TRIM64B: variants seen among roughly 807,000 people sequenced by gnomAD.
TRIM64B encodes the protein tripartite motif-containing protein 64B.
For missense variants in TRIM64B, 57 were observed against 536.4 expected (o/e 0.11, Z 8.83); for synonymous variants, 17 against 190.3 (o/e 0.09, Z 7.50).
At chr11:89,870,909 C>G (rs1298557893) in exon 6 of TRIM64B, 1 of 1,551,508 alleles carries the variant, frequency 6.4e-7, no homozygotes, top group African/African-American at 1.4e-5. Context: ...GACAGACTCC[C>G]AGAATCCAGT....
upstream of TRIM64B, among the ~76,000 whole-genome samples, chr11:89,877,108 C>G (rs1950170444): frequency 7.7e-6 from 1 of 129,832 alleles, no homozygotes. Context: ...TTATTCTATA[C>G]TCCCTGCCTC....
At chr11:89,878,060 AC>A (rs1950176344), upstream of TRIM64B, among the ~76,000 whole-genome samples, 1 of 147,032 alleles carries the variant, frequency 6.8e-6, no homozygotes, top group Non-Finnish European at 1.5e-5. Flanking sequence ...CGTTATAACC[AC>A]TACTACATGC....
chr11:89,877,041 A>C (rs113806397), upstream of TRIM64B, among the ~76,000 whole-genome samples: 6 of 142,986 alleles, frequency 4.2e-5, no homozygotes, highest in African/African-American at 1.3e-4. Context: ...CTGTCATTCT[A>C]TCTCTCTCAA....
chr11:89,875,829 G>T (rs1396905130), exon 1 of TRIM64B: 1 of 1,549,910 alleles, frequency 6.5e-7, no homozygotes, highest in Non-Finnish European at 8.7e-7. Context: ...TGGTGTTGAA[G>T]TTGGGCTTCT....
intron 1 of TRIM64B, 79 bp downstream of exon 2, chr11:89,875,531 T>C: frequency 7.7e-7 from 1 of 1,295,540 alleles, no homozygotes; most frequent in Admixed American, 2.5e-5. Context: ...TGCATTCTCA[T>C]CACCATCATT....
exon 2 of TRIM64B, chr11:89,875,072 T>A: frequency 6.5e-7 from 1 of 1,547,402 alleles, no homozygotes; most frequent in South Asian, 1.2e-5. Flanking sequence ...TATAAGTTTC[T>A]CCTGCAAAAG....
chr11:89,876,927 T>C (rs1224331072), upstream of TRIM64B, among the ~76,000 whole-genome samples: 2 of 148,668 alleles, frequency 1.3e-5, no homozygotes, highest in African/African-American at 4.9e-5. Flanking sequence ...CCCAGTTACC[T>C]AGACAAGCTT....
chr11:89,877,980 A>G (rs1393312685), upstream of TRIM64B, among the ~76,000 whole-genome samples: 1 of 148,426 alleles, frequency 6.7e-6, no homozygotes, highest in Admixed American at 6.7e-5. Flanking sequence ...TTTTGAAGAG[A>G]CAGCAAATAA....
chr11:89,874,226 A>T, exon 3 of TRIM64B: 1 of 1,515,248 alleles, frequency 6.6e-7, no homozygotes. Context: ...CGAGAAATAT[A>T]GGCATCTTTT....
Position 89,874,298 on chromosome 11 carries a change from A to G in TRIM64B, c.505-19T>C. The G allele has an allele frequency of 7.5e-7, 1 of 1,337,038 alleles. No homozygotes were observed. Among genetic ancestry groups the G allele is most frequent in the African/African-American group, 1.7e-5 (1 of 57,462 alleles). The allele number at this position is 1,337,038 out of a possible 1,614,324, so 82.8% of individuals were successfully genotyped here. Reference sequence around the variant, plus strand: ...CATAGTCCTGCAGAGATGTTTGGTTAAAAGGATTACATGTTCTCACTCTCA... The same window carrying G: ...CATAGTCCTGCAGAGATGTTTGGTTGAAAGGATTACATGTTCTCACTCTCA... On this transcript the variant is annotated intron_variant, in intron 2 of 5. Coordinates refer to ENST00000329862, the Ensembl canonical transcript of TRIM64B.
At chr11:89,876,818 A>T (rs1184443872), upstream of TRIM64B, among the ~76,000 whole-genome samples, 1 of 149,456 alleles carries the variant, frequency 6.7e-6, no homozygotes, top group Non-Finnish European at 1.5e-5. Context: ...CGGGTATGAA[A>T]CTTACGAATA....
chr11:89,874,095 C>G (rs1565459226), exon 3 of TRIM64B: 1 of 1,549,400 alleles, frequency 6.5e-7, no homozygotes, highest in Non-Finnish European at 8.7e-7. Flanking sequence ...CCACAGCTCT[C>G]TGTACATGTC....
At chr11:89,872,698 A>G (rs1950123534) in intron 4 of TRIM64B, among the ~76,000 whole-genome samples, 1 of 151,790 alleles carries the variant, frequency 6.6e-6, no homozygotes, top group South Asian at 2.1e-4. Context: ...AGTGTCTAAC[A>G]GAGAATGTTC....
exon 5 of TRIM64B, chr11:89,872,267 C>T (rs1215956802): frequency 6.5e-7 from 1 of 1,533,554 alleles, no homozygotes; most frequent in Admixed American, 2.0e-5. Context: ...ATGAAGTGAG[C>T]TCTGGGTTCA....
upstream of TRIM64B, among the ~76,000 whole-genome samples, chr11:89,876,402 G>C (rs1414563140): frequency 6.7e-6 from 1 of 148,802 alleles, no homozygotes; most frequent in Non-Finnish European, 1.5e-5. Flanking sequence ...ATGCCATACT[G>C]TTTAGGAACA....
At chr11:89,874,894 A>T in intron 2 of TRIM64B, 84 bp downstream of exon 3, 1 of 1,174,262 alleles carries the variant, frequency 8.5e-7, no homozygotes, top group Non-Finnish European at 1.2e-6. Context: ...CTATCTTGCA[A>T]CGGGTAGTTT....
chr11:89,870,867 A>T (rs1950098943), exon 6 of TRIM64B: 1 of 1,551,782 alleles, frequency 6.4e-7, no homozygotes, highest in East Asian at 2.4e-5. Flanking sequence ...CAGAATCAAT[A>T]ACGAAATTGG....
upstream of TRIM64B, among the ~76,000 whole-genome samples, chr11:89,877,499 A>C (rs1236037119): frequency 6.8e-6 from 1 of 147,282 alleles, no homozygotes; most frequent in African/African-American, 2.4e-5. Context: ...TAATGGAAGC[A>C]TGGCCGCCAA....
chr11:89,871,337 C>T (rs1223353855), intron 5 of TRIM64B, among the ~76,000 whole-genome samples: 1 of 152,192 alleles, frequency 6.6e-6, no homozygotes, highest in Non-Finnish European at 1.5e-5. Flanking sequence ...GACCATACCA[C>T]AGGGGAAATA....
Sources: gnomAD v4.1 joint callset for allele counts (sites outside exome capture counted in the v4.1 genomes callset) on GRCh38, gnomAD v4.1.1 for gene constraint, MANE v1.5 for transcripts, NCBI Gene and HGNC (gene_info 2026-07-23, HGNC 2026-07-21) for gene names.